The following NR3C2 variants were observed in gnomAD, a reference collection of about 807,000 sequenced individuals.
NR3C2 encodes the protein nuclear receptor subfamily 3 group C member 2, also known as mineralocorticoid receptor.
Under a neutral mutation model 86.4 loss-of-function variants are expected in NR3C2, and 15 were observed. The observed-to-expected ratio is 0.17, with a 90% CI of 0.12 to 0.27. The LOEUF (loss-of-function observed/expected upper bound fraction) is 0.27. Among genes scored for constraint, NR3C2 ranks in the 10% least tolerant of loss-of-function variants. NR3C2 has a pLI of 1.00. For synonymous variants in NR3C2, 458 were observed against 450.5 expected (o/e 1.02, Z -0.21); for missense variants, 960 against 1,195.6 (o/e 0.80, Z 2.91).
chr4:148,178,932 T>TAAAA (rs58576220), intron 4 of NR3C2, among the ~76,000 whole-genome samples: 1 of 95,310 alleles, frequency 1.0e-5, no homozygotes, highest in African/African-American at 3.6e-5. Flanking sequence ...AAGAAGCAGG[T>TAAAA]AAAAAAAAAA....
At chr4:148,126,764 G>A (rs193132331) in intron 6 of NR3C2, among the ~76,000 whole-genome samples, 212 of 152,302 alleles carry the variant, frequency 1.4e-3, no homozygotes, top group Middle Eastern at 6.8e-3. Flanking sequence ...AACCTCTACA[G>A]TCTCCATAGC....
At chr4:148,196,331 C>T (rs980363721) in intron 3 of NR3C2, among the ~76,000 whole-genome samples, 1 of 152,154 alleles carries the variant, frequency 6.6e-6, no homozygotes. Context: ...GTTAGAGAAG[C>T]CTGATCAGCA....
chr4:148,336,229 A>C (rs1194549353), intron 2 of NR3C2, among the ~76,000 whole-genome samples: 2 of 152,166 alleles, frequency 1.3e-5, no homozygotes, highest in Non-Finnish European at 2.9e-5. Flanking sequence ...TAATGGCAGC[A>C]CTAAAGCTAT....
At chr4:148,135,867 TA>T (rs2149747621) in intron 6 of NR3C2, among the ~76,000 whole-genome samples, 1 of 150,532 alleles carries the variant, frequency 6.6e-6, no homozygotes, top group South Asian at 2.1e-4. Context: ...CCATCCCGGC[TA>T]AAAACGGTGA....
At chr4:148,302,131 A>T (rs11936376) in intron 2 of NR3C2, among the ~76,000 whole-genome samples, 119,223 of 152,074 alleles carry the variant, frequency 0.78, 46,927 homozygotes, top group Middle Eastern at 0.87. Context: ...TGGTTTACAA[A>T]CGCTATGGAA....
chr4:148,277,370 T>C (rs10012553), intron 2 of NR3C2, among the ~76,000 whole-genome samples: 17,152 of 152,226 alleles, frequency 0.11, 1,941 homozygotes, highest in African/African-American at 0.29. Flanking sequence ...ATCATCCTCA[T>C]AGGCAATATG....
At chr4:148,368,427 G>A (rs1746258265) in intron 2 of NR3C2, 1 of 152,010 alleles carries the variant, frequency 6.6e-6, no homozygotes, top group Non-Finnish European at 1.5e-5. Flanking sequence ...TCGAATCGTG[G>A]GAAGAAAATA....
intron 6 of NR3C2, among the ~76,000 whole-genome samples, chr4:148,148,526 C>T (rs960561847): frequency 2.6e-5 from 4 of 152,208 alleles, no homozygotes; most frequent in African/African-American, 9.6e-5. Flanking sequence ...CCTCTGAAAC[C>T]CACAGGACCT....
At chr4:148,297,218 C>T (rs11099687) in intron 2 of NR3C2, among the ~76,000 whole-genome samples, 29,885 of 152,130 alleles carry the variant, frequency 0.2, 3,129 homozygotes, top group Admixed American at 0.28. Flanking sequence ...CTAATCAACA[C>T]ATCTATTAAA....
intron 2 of NR3C2, among the ~76,000 whole-genome samples, chr4:148,338,831 T>C (rs945806413): frequency 2.0e-5 from 3 of 152,088 alleles, no homozygotes; most frequent in Non-Finnish European, 4.4e-5. Flanking sequence ...TAATTAACAA[T>C]AAAAGCATAG....
chr4:148,169,339 T>C (rs924690163), intron 4 of NR3C2, among the ~76,000 whole-genome samples: 1 of 152,136 alleles, frequency 6.6e-6, no homozygotes, highest in Non-Finnish European at 1.5e-5. Context: ...AATTTTAATC[T>C]TGTATTTGCA....
chr4:148,141,123 A>C (rs1212948349), intron 6 of NR3C2, among the ~76,000 whole-genome samples: 1 of 152,182 alleles, frequency 6.6e-6, no homozygotes, highest in African/African-American at 2.4e-5. Flanking sequence ...AAAAACAGTT[A>C]CCGAGCGCCA....
chr4:148,132,275 G>A (rs532928156), intron 6 of NR3C2, among the ~76,000 whole-genome samples: 387 of 152,218 alleles, frequency 2.5e-3, no homozygotes, highest in African/African-American at 8.7e-3. Flanking sequence ...ATTTCCCCAG[G>A]CAGACCAGTA....
At chr4:148,131,910 A>G (rs1167081167) in intron 6 of NR3C2, among the ~76,000 whole-genome samples, 1 of 152,266 alleles carries the variant, frequency 6.6e-6, no homozygotes, top group East Asian at 1.9e-4. Flanking sequence ...TACACAGATC[A>G]GAATAACATG....
intron 6 of NR3C2, among the ~76,000 whole-genome samples, chr4:148,139,045 AC>A (rs1560941501): frequency 6.6e-6 from 1 of 152,192 alleles, no homozygotes; most frequent in Non-Finnish European, 1.5e-5. Context: ...AGCCTCTACA[AC>A]CGTAAGAAAT....
At chr4:148,417,783 A>C (rs1227725644) in intron 2 of NR3C2, among the ~76,000 whole-genome samples, 1 of 152,230 alleles carries the variant, frequency 6.6e-6, no homozygotes, top group Non-Finnish European at 1.5e-5. Flanking sequence ...AGCTGATTTA[A>C]ATCCCTAACA....
At chr4:148,433,721 A>G (rs185144464) in intron 2 of NR3C2, among the ~76,000 whole-genome samples, 6 of 152,186 alleles carry the variant, frequency 3.9e-5, no homozygotes, top group African/African-American at 1.4e-4. Context: ...ACCTCATACC[A>G]GCTCACTAAA....
At chr4:148,390,164 C>T (rs1219332696) in intron 2 of NR3C2, among the ~76,000 whole-genome samples, 1 of 128,036 alleles carries the variant, frequency 7.8e-6, no homozygotes, top group Non-Finnish European at 1.6e-5. Context: ...TGATCAGGAA[C>T]CCTTCAAGTA....
intron 2 of NR3C2, among the ~76,000 whole-genome samples, chr4:148,300,574 T>C (rs1742286758): frequency 6.7e-6 from 1 of 149,346 alleles, no homozygotes; most frequent in African/African-American, 2.5e-5. Context: ...TTTCTCCATT[T>C]TGCCTTGCTA....
Sources: allele counts gnomAD v4.1 joint callset (sites outside exome capture counted in the v4.1 genomes callset), GRCh38; gene constraint gnomAD v4.1.1; transcripts MANE v1.5; gene names NCBI Gene and HGNC (gene_info 2026-07-23, HGNC 2026-07-21).